ZNF320: variants seen among roughly 807,000 people sequenced by gnomAD.
ZNF320 encodes the protein zinc finger protein 320.
In ZNF320, 2 loss-of-function variants were observed where a neutral mutation model predicts 6.8. That is an observed-to-expected ratio of 0.29 (90% CI 0.12 to 0.93). ZNF320 has a LOEUF of 0.93. Among genes scored for constraint, ZNF320 ranks in the 40% least tolerant of loss-of-function variants. The probability of loss-of-function intolerance (pLI) is 0.55; values close to 1 mark genes in which losing one functional copy is unlikely to be tolerated. For synonymous variants in ZNF320, 208 were observed against 203.2 expected (o/e 1.02, Z -0.20); for missense variants, 472 against 611.0 (o/e 0.77, Z 2.40).
At chr19:52,901,443 T>A (rs1162331904), upstream of ZNF320, among the ~76,000 whole-genome samples, 1 of 152,074 alleles carries the variant, frequency 6.6e-6, no homozygotes, top group Non-Finnish European at 1.5e-5. Flanking sequence ...GGGCTTGTCA[T>A]CTTCTTCAGA....
downstream of ZNF320, among the ~76,000 whole-genome samples, chr19:52,859,500 T>G (rs1369629381): frequency 6.6e-6 from 1 of 152,172 alleles, no homozygotes; most frequent in Non-Finnish European, 1.5e-5. Context: ...ACACGATTAA[T>G]TATAGAGTTT....
the ZNF320 span, among the ~76,000 whole-genome samples, chr19:52,904,249 A>G: frequency 6.6e-6 from 1 of 152,194 alleles, no homozygotes; most frequent in South Asian, 2.1e-4. Flanking sequence ...CGCTCTTTGG[A>G]TCGTGTCACT....
chr19:52,862,149 C>A, exon 6 of ZNF320: 1 of 402,782 alleles, frequency 2.5e-6, no homozygotes, highest in Admixed American at 2.9e-5. Flanking sequence ...CTAGCATTAC[C>A]AAAGGCATTG....
Position 52,880,725 on chromosome 19 carries a change from T to A in ZNF320, c.1401A>T (p.Lys467Asn), listed in dbSNP as rs753900632. Residue 467 changes from lysine to asparagine, a missense_variant, in exon 6 of 6, where the codon AAA (lysine) becomes AAT (asparagine). Physicochemically the swap from Lys to Asn is moderately conservative, Grantham distance 94. Transcript: ENST00000682928. ...IRHQRIHTGQ[K>N]SYKCHQCGKV... ...TGCCACACTGATGACATTTGTAAGA[T>A]TTCTGTCCAGTATGGATTCTCTGAT... The A allele has an allele frequency of 2.5e-6, 4 of 1,613,830 alleles. No individual in the cohort carries two copies. In the African/African-American group the frequency reaches 5.3e-5, roughly 22 times the overall value.
At position 52,876,202 on chromosome 19, in the gene ZNF320, T is replaced by G. The variant is rs1037810162; in HGVS notation, c.*4394A>C. 1.3e-5 allele frequency: 2 copies of G among 152,190 alleles called. No homozygotes were observed. Among genetic ancestry groups the G allele is most frequent in the Non-Finnish European group, 2.9e-5 (2 of 68,026 alleles). 9.4% of individuals were successfully genotyped at this position (152,190 alleles called of 1,614,324 possible). A position where few individuals can be genotyped will look rare whatever the true frequency, so the allele number is the denominator to read the frequency against. On this transcript the variant is annotated 3_prime_UTR_variant, in exon 6 of 6. Coordinates refer to ENST00000682928, the MANE Select transcript of ZNF320 (RefSeq NM_001351774.2). ...GGCTACTTCAACTAAATTTTAATGT[T>G]AGCATAAAGAAAAAGTTCCTTGATA...
At chr19:52,872,753 G>A (rs537283219), downstream of ZNF320, among the ~76,000 whole-genome samples, 17 of 152,076 alleles carry the variant, frequency 1.1e-4, no homozygotes, top group Admixed American at 3.9e-4. Context: ...TGCCTGCCTC[G>A]GCCTCCCAAA....
intron 5 of ZNF320, among the ~76,000 whole-genome samples, chr19:52,866,486 C>T (rs2063575063): frequency 6.6e-6 from 1 of 151,972 alleles, no homozygotes; most frequent in South Asian, 2.1e-4. Flanking sequence ...TCAGAAAATG[C>T]TCCAAGGAGG....
exon 6 of ZNF320, chr19:52,862,676 T>C: frequency 1.7e-6 from 1 of 586,090 alleles, no homozygotes. Context: ...CTTGTAAGGT[T>C]TCTCTCCAGT....
chr19:52,890,255 TC>T lies in ZNF320; in HGVS notation c.-1del. 6.2e-7 allele frequency: 1 copy of T among 1,607,376 alleles called. No individual in the cohort carries two copies. On this transcript the variant is annotated 5_prime_UTR_variant, in exon 4 of 6. Coordinates refer to ENST00000682928, the MANE Select transcript of ZNF320 (RefSeq NM_001351774.2). ...TATCATCTCACCTGAGAAAGAGCCA[TC>T]CCCGACTCCTTTGCTTTCCTCTTCC...
At position 52,880,476 on chromosome 19, in the gene ZNF320, C is replaced by T. The variant is rs2063879885; in HGVS notation, c.*120G>A. ...TTGGCCTCTCAAAGTGCTGGGATTA[C>T]AGGTGTGAGACACCACGCCTGGCCC... On this transcript the variant is annotated 3_prime_UTR_variant, in exon 6 of 6. Transcript: ENST00000682928. The T allele has an allele frequency of 3.0e-6, 3 of 1,004,196 alleles. No individual in the cohort carries two copies. Among genetic ancestry groups the T allele is most frequent in the African/African-American group, 3.3e-5 (2 of 61,336 alleles). The allele number at this position is 1,004,196 out of a possible 1,614,324, so 62.2% of individuals were successfully genotyped here. A position where few individuals can be genotyped will look rare whatever the true frequency, so the allele number is the denominator to read the frequency against.
chr19:52,902,143 T>G (rs1279067003), upstream of ZNF320, among the ~76,000 whole-genome samples: 1 of 152,186 alleles, frequency 6.6e-6, no homozygotes, highest in Non-Finnish European at 1.5e-5. Context: ...GGCTGACCGA[T>G]TGATAAGCTC....
At chr19:52,862,244 T>C in exon 6 of ZNF320, 1 of 673,664 alleles carries the variant, frequency 1.5e-6, no homozygotes, top group Non-Finnish European at 2.5e-6. Context: ...CACTAAAGGC[T>C]TTGCCACACT....
intron 4 of ZNF320, among the ~76,000 whole-genome samples, chr19:52,889,041 G>T (rs1241666932): frequency 4.6e-5 from 7 of 151,972 alleles, no homozygotes; most frequent in Admixed American, 6.6e-5. Context: ...AAAATTAGCT[G>T]GGCGTGGTGG....
chr19:52,901,513 T>C (rs1450687939), upstream of ZNF320, among the ~76,000 whole-genome samples: 1 of 152,170 alleles, frequency 6.6e-6, no homozygotes, highest in East Asian at 1.9e-4. Flanking sequence ...AGTCTACTGA[T>C]GTTTAAGGGT....
At chr19:52,883,861 T>C (rs1281492524) in intron 5 of ZNF320, among the ~76,000 whole-genome samples, 6 of 152,200 alleles carry the variant, frequency 3.9e-5, no homozygotes, top group African/African-American at 7.2e-5. Context: ...ATAGTGCCAC[T>C]GCACTCTAGC....
At chr19:52,860,173 A>C (rs1215815314), downstream of ZNF320, among the ~76,000 whole-genome samples, 1 of 152,078 alleles carries the variant, frequency 6.6e-6, no homozygotes, top group Non-Finnish European at 1.5e-5. Context: ...CGGCCTCCCA[A>C]AGTGCTGGGA....
upstream of ZNF320, among the ~76,000 whole-genome samples, chr19:52,898,135 C>T (rs1436110330): frequency 6.6e-6 from 1 of 152,216 alleles, no homozygotes; most frequent in Non-Finnish European, 1.5e-5. Flanking sequence ...CAAAGCTCTG[C>T]CTCAGCGAAA....
At chr19:52,901,492 G>T (rs997746289), upstream of ZNF320, among the ~76,000 whole-genome samples, 2 of 152,124 alleles carry the variant, frequency 1.3e-5, no homozygotes, top group African/African-American at 2.4e-5. Flanking sequence ...TCTTATCTAC[G>T]TACAGCTCCT....
intron 5 of ZNF320, among the ~76,000 whole-genome samples, chr19:52,864,313 C>G (rs1289850315): frequency 6.6e-6 from 1 of 152,126 alleles, no homozygotes; most frequent in Non-Finnish European, 1.5e-5. Context: ...TCTATCGTTG[C>G]ATTTTATTGT....
Sources: gnomAD v4.1 joint callset for allele counts (sites outside exome capture counted in the v4.1 genomes callset) on GRCh38, gnomAD v4.1.1 for gene constraint, MANE v1.5 for transcripts, NCBI Gene and HGNC (gene_info 2026-07-23, HGNC 2026-07-21) for gene names.